Variants in LMNTD1 observed in about 807,000 individuals in gnomAD.
LMNTD1 encodes the protein lamin tail domain containing 1, also known as lamin tail domain-containing protein 1.
In LMNTD1, 35 loss-of-function variants were observed where a neutral mutation model predicts 50.9. The ratio of observed to expected loss-of-function variants is 0.69; its 90% CI spans 0.53 to 0.91. The LOEUF is 0.91. LMNTD1 is among the 40% of genes least tolerant of loss of function. LMNTD1 has a pLI of 0.00. For missense variants in LMNTD1, 470 were observed against 475.5 expected (o/e 0.99, Z 0.11); for synonymous variants, 153 against 161.9 (o/e 0.94, Z 0.42).
chr12:25,542,251 G>C (rs1283791065), intron 4 of LMNTD1, among the ~76,000 whole-genome samples: 1 of 152,028 alleles, frequency 6.6e-6, no homozygotes, highest in African/African-American at 2.4e-5. Context: ...AAATCATGCT[G>C]GTATAAAGAC....
chr12:25,644,196 C>G (rs117278776), intron 1 of LMNTD1, among the ~76,000 whole-genome samples: 3,021 of 151,880 alleles, frequency 0.02, 36 homozygotes, highest in Non-Finnish European at 0.029. Flanking sequence ...AAGCTTGAAG[C>G]CAGGTGTGAT....
chr12:25,531,174 G>A (rs866002407), intron 4 of LMNTD1, among the ~76,000 whole-genome samples: 1 of 152,186 alleles, frequency 6.6e-6, no homozygotes, highest in African/African-American at 2.4e-5. Flanking sequence ...TCAGTGTCCA[G>A]ATAAGAGCCT....
chr12:25,519,307 G>A (rs1941062251), intron 7 of LMNTD1, among the ~76,000 whole-genome samples: 1 of 152,074 alleles, frequency 6.6e-6, no homozygotes. Flanking sequence ...AAAGTGAAAT[G>A]GCGGCCGGCC....
At chr12:25,614,256 T>G (rs1301987300) in intron 1 of LMNTD1, among the ~76,000 whole-genome samples, 1 of 152,100 alleles carries the variant, frequency 6.6e-6, no homozygotes, top group East Asian at 1.9e-4. Context: ...CAGTTGCTTC[T>G]TCTGCTTCAT....
At chr12:25,519,054 AT>A in intron 7 of LMNTD1, 87 bp from the exon 8 acceptor site, 1 of 1,237,076 alleles carries the variant, frequency 8.1e-7, no homozygotes, top group South Asian at 1.4e-5. Context: ...GGGGAAGCAT[AT>A]TTCAAAACCA....
At chr12:25,501,074 C>T (rs1443252740) in intron 9 of LMNTD1, among the ~76,000 whole-genome samples, 3 of 152,144 alleles carry the variant, frequency 2.0e-5, no homozygotes, top group African/African-American at 7.2e-5. Context: ...ACTGCAGCCT[C>T]CACCTTCCGG....
At chr12:25,520,153 TATATATATATATATATATATATAG>T (rs1941202043) in intron 6 of LMNTD1, 78 bp from the exon 7 acceptor site, 5 of 198,852 alleles carry the variant, frequency 2.5e-5, no homozygotes, top group Non-Finnish European at 3.8e-5. Flanking sequence ...TACATATATA[TATATATATATATATATATATATAG>T]TAAAATGGTT....
At chr12:25,539,508 G>A (rs1392042838) in intron 4 of LMNTD1, among the ~76,000 whole-genome samples, 2 of 151,216 alleles carry the variant, frequency 1.3e-5, no homozygotes, top group East Asian at 3.9e-4. Flanking sequence ...CAGAAATAAA[G>A]GTGTTCTTTG....
At chr12:25,617,916 C>A (rs1454883422) in intron 1 of LMNTD1, among the ~76,000 whole-genome samples, 1 of 152,144 alleles carries the variant, frequency 6.6e-6, no homozygotes, top group Non-Finnish European at 1.5e-5. Flanking sequence ...ATGCACTGTT[C>A]TATGTATTTA....
chr12:25,578,226 T>C (rs1439618430), intron 1 of LMNTD1, among the ~76,000 whole-genome samples: 1 of 152,132 alleles, frequency 6.6e-6, no homozygotes, highest in African/African-American at 2.4e-5. Flanking sequence ...CCCTAAAATA[T>C]AGCATTTACC....
chr12:25,549,042 C>G (rs533015935), intron 3 of LMNTD1, among the ~76,000 whole-genome samples: 29 of 152,044 alleles, frequency 1.9e-4, no homozygotes, highest in African/African-American at 7.0e-4. Flanking sequence ...TCTAGCAATT[C>G]TAATGTATGT....
Position 25,546,454 on chromosome 12 carries a change from A to C in LMNTD1, c.411T>G (p.Leu137=). 1 of 1,602,394 alleles carries C rather than the reference A, an allele frequency of 6.2e-7. No homozygotes were observed. Among genetic ancestry groups the C allele is most frequent in the Non-Finnish European group, 8.5e-7 (1 of 1,173,044 alleles). The part of the protein sequence containing the change: ...FLSLFGDSKK[L]TAHSNYTQKT... ...TCTGAGTGTAGTTTGAGTGTGCTGT[A>C]AGTTTCTTTGAATCACCAAACAAAG... The change falls in exon 4 of 10, where the codon CTT becomes CTG. Residue 137 remains leucine (L), a synonymous_variant. Coordinates refer to ENST00000458174, the MANE Select transcript of LMNTD1 (RefSeq NM_001145728.2).
chr12:25,593,333 A>C (rs1158233795), intron 1 of LMNTD1, among the ~76,000 whole-genome samples: 1 of 152,160 alleles, frequency 6.6e-6, no homozygotes, highest in African/African-American at 2.4e-5. Context: ...CTCCACCAGA[A>C]CAGGTGCTGG....
intron 6 of LMNTD1, among the ~76,000 whole-genome samples, chr12:25,524,783 T>G (rs1941589679): frequency 6.6e-6 from 1 of 152,198 alleles, no homozygotes; most frequent in East Asian, 1.9e-4. Flanking sequence ...ACTTAGATTG[T>G]GTAGCCTTAT....
chr12:25,559,443 C>T (rs570918224), intron 1 of LMNTD1, among the ~76,000 whole-genome samples: 64 of 152,290 alleles, frequency 4.2e-4, no homozygotes, highest in African/African-American at 1.4e-3. Context: ...TCCAGTCTAT[C>T]ATTGATGGAC....
intron 1 of LMNTD1, among the ~76,000 whole-genome samples, chr12:25,570,171 T>C (rs887757698): frequency 1.3e-5 from 2 of 152,228 alleles, no homozygotes; most frequent in African/African-American, 2.4e-5. Context: ...CTCTATAATA[T>C]ATAAACATGT....
intron 1 of LMNTD1, among the ~76,000 whole-genome samples, chr12:25,610,302 G>A (rs1946212746): frequency 6.6e-6 from 1 of 152,084 alleles, no homozygotes; most frequent in Non-Finnish European, 1.5e-5. Context: ...CCTGGGTGAG[G>A]CAATATCCCG....
intron 1 of LMNTD1, among the ~76,000 whole-genome samples, chr12:25,563,132 T>A (rs1944406854): frequency 6.6e-6 from 1 of 152,258 alleles, no homozygotes; most frequent in African/African-American, 2.4e-5. Context: ...TCTGAAGCCT[T>A]CTTCTGTCAA....
At chr12:25,646,483 T>C (rs1272575640) in intron 1 of LMNTD1, among the ~76,000 whole-genome samples, 6 of 152,180 alleles carry the variant, frequency 3.9e-5, no homozygotes, top group African/African-American at 1.2e-4. Flanking sequence ...AACCTAGCCC[T>C]AGGATCATTT....
Sources: gnomAD v4.1 joint callset for allele counts (sites outside exome capture counted in the v4.1 genomes callset) on GRCh38, gnomAD v4.1.1 for gene constraint, MANE v1.5 for transcripts, NCBI Gene and HGNC (gene_info 2026-07-23, HGNC 2026-07-21) for gene names.